ALKBH8: variants seen among roughly 807,000 people sequenced by gnomAD.
ALKBH8 encodes the protein alkB homolog 8, tRNA methyltransferase.
ALKBH8 carries 36 observed loss-of-function variants against 59.8 expected under a neutral mutation model. That is an observed-to-expected ratio of 0.60 (90% CI 0.46 to 0.79). The LOEUF (loss-of-function observed/expected upper bound fraction) is 0.79. Among genes scored for constraint, ALKBH8 ranks in the 30% least tolerant of loss-of-function variants. The pLI is 0.00. For synonymous variants in ALKBH8, 276 were observed against 273.6 expected, an observed-to-expected ratio of 1.01 and a Z score of -0.09; for missense variants, 768 against 801.0, an observed-to-expected ratio of 0.96 and a Z score of 0.50.
intron 3 of ALKBH8, among the ~76,000 whole-genome samples, chr11:107,556,285 C>CAAA: frequency 7.4e-6 from 1 of 135,838 alleles, no homozygotes; most frequent in African/African-American, 3.2e-5. Context: ...TCTCAAAAAG[C>CAAA]AAAAAAATAA....
intron 11 of ALKBH8, among the ~76,000 whole-genome samples, chr11:107,506,614 A>G (rs1862397916): frequency 6.6e-6 from 1 of 152,178 alleles, no homozygotes; most frequent in Non-Finnish European, 1.5e-5. Context: ...ACTATAGTTC[A>G]AGTCAGTATA....
In ALKBH8 at chr11:107,503,577, C is replaced by T. The variant is rs372800631; in HGVS notation, c.*1081G>A. The T allele has an allele frequency of 2.0e-4, 30 of 148,834 alleles. No individual in the cohort carries two copies. The East Asian group carries it at 4.1e-3, about 20-fold the overall frequency. The allele number at this position is 148,834 out of a possible 1,614,324, so 9.2% of individuals were successfully genotyped here. On this transcript the variant is annotated 3_prime_UTR_variant, in exon 12 of 12. Transcript: ENST00000428149. ...ACCTTTGTTCCTCCAGGAAATCTAACCTAAGTGGTAAGTTAACTGGGTTAC... is the reference window on the plus strand; with the variant it reads ...ACCTTTGTTCCTCCAGGAAATCTAATCTAAGTGGTAAGTTAACTGGGTTAC...
chr11:107,524,011 A>C (rs1417220083), intron 9 of ALKBH8, among the ~76,000 whole-genome samples: 1 of 152,140 alleles, frequency 6.6e-6, no homozygotes, highest in Admixed American at 6.5e-5. Flanking sequence ...GTATTTTAAA[A>C]CATCATGTTG....
intron 11 of ALKBH8, among the ~76,000 whole-genome samples, chr11:107,505,905 G>C (rs1325416561): frequency 6.6e-6 from 1 of 152,224 alleles, no homozygotes; most frequent in East Asian, 1.9e-4. Flanking sequence ...GCAGCTGAGG[G>C]ACAGAGTCAC....
At chr11:107,519,428 TACA>T (rs1863013941) in intron 10 of ALKBH8, among the ~76,000 whole-genome samples, 1 of 152,150 alleles carries the variant, frequency 6.6e-6, no homozygotes, top group Non-Finnish European at 1.5e-5. Flanking sequence ...TTTAAAAATA[TACA>T]ACATTTTTAA....
In ALKBH8 at chr11:107,525,542, C is replaced by T; in HGVS notation, c.929G>A (p.Ser310Asn). 6.5e-7 allele frequency: 1 copy of T among 1,528,832 alleles called. No homozygotes were observed. Among genetic ancestry groups the T allele is most frequent in the South Asian group, 1.2e-5 (1 of 80,770 alleles). 94.7% of individuals were successfully genotyped at this position (1,528,832 alleles called of 1,614,324 possible). Residue 310 changes from serine (S) to asparagine (N), a missense_variant, in exon 9 of 12, where the codon AGT becomes AAT. Physicochemically the swap from Ser to Asn is conservative, Grantham distance 46. Transcript: ENST00000428149. ...TCCAACATCACTGGTGATAATTCCA[C>T]TTTTAAGACTCTCAGATGCTTGAAC... ...DTVQASESLK[S>N]GIITSDVGDL...
intron 6 of ALKBH8, 23 bp downstream of exon 6, chr11:107,551,785 A>C (rs1333293330): frequency 2.4e-5 from 35 of 1,488,782 alleles, no homozygotes; most frequent in Non-Finnish European, 3.1e-5. Context: ...TGTGACTAAA[A>C]TTTTTGAACA....
At chr11:107,564,206 C>T (rs1040954563) in intron 1 of ALKBH8, among the ~76,000 whole-genome samples, 7 of 152,148 alleles carry the variant, frequency 4.6e-5, no homozygotes, top group Admixed American at 4.6e-4. Flanking sequence ...GGAGATTATG[C>T]ATGCTCTGCT....
chr11:107,538,620 C>T (rs1341115188), intron 7 of ALKBH8, among the ~76,000 whole-genome samples: 1 of 152,164 alleles, frequency 6.6e-6, no homozygotes, highest in Non-Finnish European at 1.5e-5. Context: ...TCATCTTATA[C>T]AACTTTCACA....
At chr11:107,551,295 T>G (rs938207072) in intron 6 of ALKBH8, among the ~76,000 whole-genome samples, 1 of 152,196 alleles carries the variant, frequency 6.6e-6, no homozygotes, top group African/African-American at 2.4e-5. Flanking sequence ...CACTTTGAAA[T>G]GCAAGTTCCT....
intron 6 of ALKBH8, among the ~76,000 whole-genome samples, chr11:107,550,252 A>G (rs1201192341): frequency 6.6e-6 from 1 of 152,286 alleles, no homozygotes; most frequent in East Asian, 1.9e-4. Flanking sequence ...TGATCTATCA[A>G]TTTACATTAA....
chr11:107,540,832 G>A (rs998084767), intron 7 of ALKBH8, among the ~76,000 whole-genome samples: 1 of 152,090 alleles, frequency 6.6e-6, no homozygotes, highest in Non-Finnish European at 1.5e-5. Flanking sequence ...ATTTTAAATT[G>A]TATCTTTGTT....
chr11:107,504,976 G>A lies in ALKBH8; in HGVS notation c.1677C>T (p.Arg559=), dbSNP rs1862316876. 1 of 1,551,706 alleles carries A rather than the reference G, an allele frequency of 6.4e-7. No homozygotes were observed. The highest frequency in any genetic ancestry group is 2.0e-5 in the Admixed American group (1 of 50,988). ...ATCCTCCTTCCTGAGAGTCATTAAT[G>A]CGGGGGACAGAAGATGCCGAGTCTC... is the stretch of plus-strand genomic sequence containing the variant. ...GSRDSASSVP[R]INDSQEGGCN... The change falls in exon 12 of 12, where the codon CGC becomes CGT. Residue 559 remains arginine (R), a synonymous_variant. Transcript: ENST00000428149.
intron 3 of ALKBH8, among the ~76,000 whole-genome samples, chr11:107,555,549 A>G (rs576614263): frequency 2.3e-4 from 35 of 152,372 alleles, no homozygotes; most frequent in Middle Eastern, 6.8e-3. Flanking sequence ...CTAGTTTCCA[A>G]AATATGTAAA....
chr11:107,565,559 G>T, intron 1 of ALKBH8, 42 bp downstream of exon 1: 1 of 1,535,552 alleles, frequency 6.5e-7, no homozygotes, highest in South Asian at 1.2e-5. Flanking sequence ...AGGAAGCGGT[G>T]ATTTGCTGCC....
chr11:107,521,510 C>T (rs1213885460), intron 10 of ALKBH8, among the ~76,000 whole-genome samples: 1 of 152,110 alleles, frequency 6.6e-6, no homozygotes, highest in Middle Eastern at 3.4e-3. Flanking sequence ...CAGCTGCTCT[C>T]GTTCTTTTTA....
In ALKBH8 at chr11:107,522,301, T is replaced by C; in HGVS notation, c.1285A>G (p.Met429Val). ...KYLGINKELY[M>V]IGCDRSQNLV... is the part of the protein sequence containing the mutation. ...AAGTCAAAAGCAACATTACTTGCCA[T>C]ATATAACTCCTTATTGATGCCAAGA... Residue 429 changes from methionine to valine, a missense_variant and splice_region_variant, in exon 10 of 12, where the codon ATG (methionine) becomes GTG (valine). Coordinates refer to ENST00000428149, the MANE Select transcript of ALKBH8 (RefSeq NM_138775.3). 1.3e-6 allele frequency: 2 copies of C among 1,551,564 alleles called. No homozygotes were observed. The highest frequency in any genetic ancestry group is 1.7e-6 in the Non-Finnish European group (2 of 1,146,914).
At chr11:107,552,941 T>G (rs1200314609) in intron 5 of ALKBH8, among the ~76,000 whole-genome samples, 167 bp downstream of exon 5, 1 of 152,148 alleles carries the variant, frequency 6.6e-6, no homozygotes, top group Non-Finnish European at 1.5e-5. Context: ...AGTTTGAAAT[T>G]TTTTTACAAC....
intron 10 of ALKBH8, among the ~76,000 whole-genome samples, chr11:107,513,713 G>A (rs1288374767): frequency 1.3e-5 from 2 of 152,150 alleles, no homozygotes; most frequent in Non-Finnish European, 2.9e-5. Context: ...CCATAAAAAA[G>A]AATGAGATCA....
Sources: allele counts gnomAD v4.1 joint callset (sites outside exome capture counted in the v4.1 genomes callset), GRCh38; gene constraint gnomAD v4.1.1; transcripts MANE v1.5; gene names NCBI Gene and HGNC (gene_info 2026-07-23, HGNC 2026-07-21).